Variants in WDFY3 observed in about 807,000 individuals in gnomAD.
WDFY3 encodes the protein WD repeat and FYVE domain-containing protein 3.
Under a neutral mutation model 409.6 loss-of-function variants are expected in WDFY3, and 66 were observed. The observed-to-expected ratio is 0.16, with a 90% confidence interval of 0.13 to 0.20. WDFY3 has a LOEUF of 0.20. Ranked by LOEUF, WDFY3 falls within the 10% of genes least tolerant of loss-of-function variation. The pLI, the probability that WDFY3 is intolerant of heterozygous loss-of-function variation, is 1.00. For missense variants in WDFY3, 3,031 were observed against 4,298.1 expected (o/e 0.71, Z 8.24); for synonymous variants, 1,521 against 1,537.1 (o/e 0.99, Z 0.25).
At chr4:84,808,987 C>T (rs1752012178) in intron 14 of WDFY3, 1 of 152,190 alleles carries the variant, frequency 6.6e-6, no homozygotes, top group Non-Finnish European at 1.5e-5. Context: ...GAAAAGGACA[C>T]AAAACCTATT....
At chr4:84,765,379 T>A (rs1384605870) in intron 32 of WDFY3, among the ~76,000 whole-genome samples, 2 of 152,222 alleles carry the variant, frequency 1.3e-5, no homozygotes, top group Non-Finnish European at 2.9e-5. Flanking sequence ...TTTGGTTTCC[T>A]AATCTGCAAA....
Position 84,751,576 on chromosome 4 carries a change from C to A in WDFY3, c.5880G>T (p.Lys1960Asn), listed in dbSNP as rs1398147966. 1 of 1,614,116 alleles carries A rather than the reference C, an allele frequency of 6.2e-7. No individual in the cohort carries two copies. The highest frequency in any genetic ancestry group is 1.7e-5 in the Admixed American group (1 of 60,012). ...AGACCCGCATGAAGTCAAAAACGAA[C>A]TTTTTAGCCGGGTGATTGGTCAGAT... ...KTYLTNHPAK[K>N]FVFDFMRVLI... Residue 1960 changes from lysine to asparagine, a missense_variant, in exon 36 of 68, where the codon AAG becomes AAT. Coordinates refer to ENST00000295888, the MANE Select transcript of WDFY3 (RefSeq NM_014991.6).
chr4:84,786,801 G>A (rs989521349), intron 23 of WDFY3, among the ~76,000 whole-genome samples: 11 of 152,292 alleles, frequency 7.2e-5, no homozygotes, highest in Middle Eastern at 6.8e-3. Context: ...CACAGTAAGT[G>A]CCCAAGAAGT....
chr4:84,716,694 G>C (rs1578231940), intron 49 of WDFY3, among the ~76,000 whole-genome samples: 1 of 151,718 alleles, frequency 6.6e-6, no homozygotes, highest in Non-Finnish European at 1.5e-5. Flanking sequence ...AGCTACTTGG[G>C]AGGCTAAGGC....
chr4:84,913,601 G>A (rs928451006), intron 2 of WDFY3, among the ~76,000 whole-genome samples: 3 of 151,962 alleles, frequency 2.0e-5, no homozygotes, highest in African/African-American at 7.2e-5. Context: ...AATAAGCAGT[G>A]CCAGAAAAAA....
chr4:84,782,944 C>A lies in WDFY3; in HGVS notation c.4174+19G>T. 1.2e-6 allele frequency: 2 copies of A among 1,605,682 alleles called. No homozygotes were observed. The highest frequency in any genetic ancestry group is 1.7e-6 in the Non-Finnish European group (2 of 1,177,188). ...TGGCAAATAAAGAAGTTTGAAACAA[C>A]AAAGATAAGTCCACTCACCCAAGTA... On this transcript the variant is annotated intron_variant, in intron 25 of 67. Transcript: ENST00000295888.
At chr4:84,827,208 G>A (rs996534501) in intron 9 of WDFY3, among the ~76,000 whole-genome samples, 1 of 151,812 alleles carries the variant, frequency 6.6e-6, no homozygotes, top group African/African-American at 2.4e-5. Flanking sequence ...AGATTTATTG[G>A]GTATTTCCCC....
chr4:84,803,156 C>CT (rs929779271), intron 16 of WDFY3, 134 bp downstream of exon 16: 69 of 1,004,206 alleles, frequency 6.9e-5, no homozygotes, highest in African/African-American at 2.3e-4. Context: ...TAAAAAAATC[C>CT]TTTTTTTTCC....
intron 4 of WDFY3, among the ~76,000 whole-genome samples, chr4:84,855,130 T>C (rs190532107): frequency 5.3e-5 from 8 of 152,346 alleles, no homozygotes; most frequent in Admixed American, 5.2e-4. Flanking sequence ...GTAGCACTAT[T>C]CAAGAACTTG....
rs1173244593 is a variant in WDFY3 at position 84,716,968 on chromosome 4, T to C, written c.7803A>G (p.Gln2601=). The change falls in exon 49 of 68, where the codon CAA becomes CAG. Residue 2601 remains glutamine (Q), a synonymous_variant. Transcript: ENST00000295888. The part of the protein sequence containing the change: ...IPRGARQGPS[Q]LKRTCSIFAY... ...CAAAAATGCTGCATGTTCTCTTGAG[T>C]TGACTAGGGCCTTGCCTGGCTCCTC... 6.2e-7 allele frequency: 1 copy of C among 1,609,950 alleles called. No individual in the cohort carries two copies. Among genetic ancestry groups the C allele is most frequent in the Non-Finnish European group, 8.5e-7 (1 of 1,177,844 alleles).
intron 2 of WDFY3, among the ~76,000 whole-genome samples, chr4:84,926,748 G>A (rs1205942033): frequency 6.6e-6 from 1 of 152,156 alleles, no homozygotes; most frequent in Non-Finnish European, 1.5e-5. Context: ...TTTCAGCTCA[G>A]TATCCTGGTA....
intron 32 of WDFY3, among the ~76,000 whole-genome samples, chr4:84,758,622 T>C (rs1741885735): frequency 6.6e-6 from 1 of 152,168 alleles, no homozygotes; most frequent in Non-Finnish European, 1.5e-5. Context: ...CTATTTTATA[T>C]AATAAAGGAA....
chr4:84,702,381 G>A lies in WDFY3; in HGVS notation c.8568C>T (p.Phe2856=), dbSNP rs1731198013. ...GATCAAAGTTGTTGGAATTGAACAG[G>A]AATTCTGGTAAATAAAAGAACTCTG... ...LIPEFFYLPE[F]LFNSNNFDLG... is the part of the protein sequence containing the mutation. Residue 2856 remains phenylalanine (F), a synonymous_variant, in exon 56 of 68, where the codon TTC becomes TTT. Coordinates refer to ENST00000295888, the MANE Select transcript of WDFY3 (RefSeq NM_014991.6). The A allele has an allele frequency of 1.2e-6, 2 of 1,611,990 alleles. No homozygotes were observed. Among genetic ancestry groups the A allele is most frequent in the African/African-American group, 1.3e-5 (1 of 74,758 alleles).
At chr4:84,796,821 T>G in intron 18 of WDFY3, 69 bp from the exon 19 acceptor site, 3 of 1,281,376 alleles carry the variant, frequency 2.3e-6, no homozygotes, top group Non-Finnish European at 3.3e-6. Context: ...AAGGCTGATT[T>G]ATTTGTAAAT....
At chr4:84,784,891 T>TATATATACACACAC (rs1238884117) in intron 24 of WDFY3, among the ~76,000 whole-genome samples, 2 of 36,932 alleles carry the variant, frequency 5.4e-5, no homozygotes, top group African/African-American at 1.5e-4. Flanking sequence ...TATATATATA[T>TATATATACACACAC]ACACACACAC....
At chr4:84,683,504 C>T (rs1048092745) in intron 63 of WDFY3, among the ~76,000 whole-genome samples, 2 of 152,234 alleles carry the variant, frequency 1.3e-5, no homozygotes, top group African/African-American at 4.8e-5. Context: ...ATCTAGGCTT[C>T]AGGTGCAGTC....
At chr4:84,850,873 T>C (rs1222474365) in intron 4 of WDFY3, among the ~76,000 whole-genome samples, 2 of 149,454 alleles carry the variant, frequency 1.3e-5, no homozygotes, top group African/African-American at 2.5e-5. Flanking sequence ...TTACACAAAT[T>C]TTAAAATAAA....
chr4:84,704,300 T>A (rs745978270), intron 55 of WDFY3, 38 bp downstream of exon 55: 1 of 1,427,342 alleles, frequency 7.0e-7, no homozygotes, highest in South Asian at 1.3e-5. Flanking sequence ...AGAAGTAGGC[T>A]TGTATAAAAT....
At chr4:84,678,433 A>G (rs113183501) in intron 65 of WDFY3, among the ~76,000 whole-genome samples, 154 bp from the exon 66 acceptor site, 2 of 152,232 alleles carry the variant, frequency 1.3e-5, no homozygotes, top group African/African-American at 2.4e-5. Context: ...CTTGGTTGAA[A>G]GTAAAGCTAC....
Sources: allele counts gnomAD v4.1 joint callset (sites outside exome capture counted in the v4.1 genomes callset), GRCh38; gene constraint gnomAD v4.1.1; transcripts MANE v1.5; gene names NCBI Gene and HGNC (gene_info 2026-07-23, HGNC 2026-07-21).